ADRA1B: variants seen among roughly 807,000 people sequenced by gnomAD.
The protein encoded by ADRA1B is alpha-1B adrenergic receptor.
In ADRA1B, 17 loss-of-function variants were observed where a neutral mutation model predicts 17.9. The observed-to-expected ratio is 0.95, with a 90% confidence interval of 0.65 to 1.42. ADRA1B has a LOEUF of 1.42. Ranked by LOEUF, ADRA1B falls within the 40% of genes most tolerant of loss-of-function variation. ADRA1B has a pLI of 0.00. For missense variants in ADRA1B, 681 were observed against 722.1 expected (o/e 0.94, Z 0.65); for synonymous variants, 366 against 327.6 (o/e 1.12, Z -1.27).
intron 1 of ADRA1B, among the ~76,000 whole-genome samples, chr5:159,937,462 GAC>G (rs1208563187): frequency 6.7e-6 from 1 of 148,324 alleles, no homozygotes; most frequent in African/African-American, 2.5e-5. Flanking sequence ...TTTTTTTTGA[GAC>G]AGAGTCTCAG....
At chr5:159,973,582 A>G (rs1755927194), downstream of ADRA1B, among the ~76,000 whole-genome samples, 1 of 152,194 alleles carries the variant, frequency 6.6e-6, no homozygotes, top group Non-Finnish European at 1.5e-5. Flanking sequence ...ACGTTTCTGG[A>G]TAAGATATGG....
chr5:159,981,940 A>G, the ADRA1B span, among the ~76,000 whole-genome samples: 1 of 152,252 alleles, frequency 6.6e-6, no homozygotes, highest in African/African-American at 2.4e-5. Context: ...TAAGAGGTGA[A>G]GCCTAATCAC....
At chr5:159,906,133 G>A (rs1323270561) in intron 1 of ADRA1B, among the ~76,000 whole-genome samples, 1 of 152,146 alleles carries the variant, frequency 6.6e-6, no homozygotes, top group Non-Finnish European at 1.5e-5. Flanking sequence ...GGGATTACAG[G>A]GGTAAGCCAC....
chr5:159,918,415 C>G (rs977708984), intron 1 of ADRA1B, among the ~76,000 whole-genome samples: 1 of 152,212 alleles, frequency 6.6e-6, no homozygotes, highest in Admixed American at 6.5e-5. Flanking sequence ...AGATATACTA[C>G]GTTCATTATC....
intron 1 of ADRA1B, among the ~76,000 whole-genome samples, chr5:159,921,774 T>C (rs138631683): frequency 2.6e-5 from 4 of 152,310 alleles, no homozygotes; most frequent in African/African-American, 9.6e-5. Flanking sequence ...CCTCTCTCCA[T>C]TGATTTGATC....
intron 1 of ADRA1B, among the ~76,000 whole-genome samples, chr5:159,882,210 C>T (rs1753870837): frequency 6.6e-6 from 1 of 152,132 alleles, no homozygotes; most frequent in African/African-American, 2.4e-5. Context: ...TAGAAAGTCC[C>T]TTACAGATCA....
At chr5:159,981,048 C>T in the ADRA1B span, among the ~76,000 whole-genome samples, 1 of 152,174 alleles carries the variant, frequency 6.6e-6, no homozygotes, top group Non-Finnish European at 1.5e-5. Flanking sequence ...GAGCTGGACT[C>T]ATGAAGAGAC....
At chr5:159,947,951 C>T (rs1755322501) in intron 1 of ADRA1B, 3 of 985,300 alleles carry the variant, frequency 3.0e-6, no homozygotes, top group African/African-American at 1.7e-5. Flanking sequence ...TCCAGCTGTC[C>T]CTGGATTCTT....
downstream of ADRA1B, among the ~76,000 whole-genome samples, chr5:159,973,536 G>A (rs975836337): frequency 6.6e-6 from 1 of 152,134 alleles, no homozygotes; most frequent in Non-Finnish European, 1.5e-5. Context: ...TTGTTTGCCT[G>A]TGCCCACAGA....
intron 1 of ADRA1B, among the ~76,000 whole-genome samples, chr5:159,894,480 A>C (rs556491228): frequency 1.3e-5 from 2 of 152,270 alleles, no homozygotes; most frequent in East Asian, 3.9e-4. Context: ...AAATATTTAC[A>C]CTTGGAGGGA....
intron 1 of ADRA1B, among the ~76,000 whole-genome samples, chr5:159,885,129 C>T (rs962182268): frequency 1.3e-5 from 2 of 152,150 alleles, no homozygotes; most frequent in Non-Finnish European, 1.5e-5. Context: ...TGAGTAAGAT[C>T]AGAGTCACAG....
chr5:159,874,711 T>C (rs1022932429), intron 1 of ADRA1B, among the ~76,000 whole-genome samples: 2 of 152,180 alleles, frequency 1.3e-5, no homozygotes, highest in African/African-American at 4.8e-5. Context: ...TTAAACAACC[T>C]GTGTGGGTCA....
the ADRA1B span, among the ~76,000 whole-genome samples, chr5:159,983,174 G>A: frequency 6.6e-5 from 10 of 152,158 alleles, no homozygotes; most frequent in Admixed American, 3.9e-4. Flanking sequence ...GGTTCCAAAG[G>A]CAGAGGCTGG....
At chr5:159,875,045 T>C (rs1753788433) in intron 1 of ADRA1B, among the ~76,000 whole-genome samples, 1 of 152,104 alleles carries the variant, frequency 6.6e-6, no homozygotes, top group South Asian at 2.1e-4. Flanking sequence ...GGAAATTGCA[T>C]CAAAACTCCT....
At chr5:159,966,855 A>G (rs914554437) in intron 1 of ADRA1B, among the ~76,000 whole-genome samples, 2 of 152,246 alleles carry the variant, frequency 1.3e-5, no homozygotes, top group Admixed American at 6.5e-5. Flanking sequence ...ATAGCCAAAA[A>G]TTGGAAATCA....
intron 1 of ADRA1B, among the ~76,000 whole-genome samples, chr5:159,896,550 A>C (rs1561584712): frequency 6.6e-6 from 1 of 152,234 alleles, no homozygotes; most frequent in East Asian, 1.9e-4. Context: ...AACATTTAAA[A>C]AGCTACTGTT....
intron 1 of ADRA1B, among the ~76,000 whole-genome samples, chr5:159,878,073 A>C: frequency 6.6e-6 from 1 of 152,232 alleles, no homozygotes; most frequent in Non-Finnish European, 1.5e-5. Context: ...TCAGGACTCC[A>C]GGGCTGAACG....
At chr5:159,871,463 G>A (rs1753738516) in intron 1 of ADRA1B, 1 of 152,126 alleles carries the variant, frequency 6.6e-6, no homozygotes, top group African/African-American at 2.4e-5. Context: ...CACTTCCTGT[G>A]GAGGCTCTAC....
intron 1 of ADRA1B, chr5:159,955,164 C>A (rs1199749931): frequency 3.0e-6 from 3 of 985,186 alleles, no homozygotes; most frequent in Non-Finnish European, 3.6e-6. Context: ...GACAAGACAC[C>A]CTGGAGATGG....
Sources: gnomAD v4.1 joint callset for allele counts (sites outside exome capture counted in the v4.1 genomes callset) on GRCh38, gnomAD v4.1.1 for gene constraint, MANE v1.5 for transcripts, NCBI Gene and HGNC (gene_info 2026-07-23, HGNC 2026-07-21) for gene names.